The following SLC24A2 variants were observed in gnomAD, a reference collection of about 807,000 sequenced individuals.
SLC24A2 encodes sodium/potassium/calcium exchanger 2.
SLC24A2 carries 36 observed loss-of-function variants against 62.0 expected under a neutral mutation model. The ratio of observed to expected loss-of-function variants is 0.58; its 90% CI spans 0.44 to 0.77. SLC24A2 has a LOEUF of 0.77. SLC24A2 is among the 30% of genes least tolerant of loss of function. SLC24A2 has a pLI of 0.00. For missense variants in SLC24A2, 846 were observed against 817.9 expected, an observed-to-expected ratio of 1.03 and a Z score of -0.42; for synonymous variants, 358 against 294.0, an observed-to-expected ratio of 1.22 and a Z score of -2.23.
rs1186801224 is a variant in SLC24A2 at position 19,622,312 on chromosome 9, A to G, written c.931-13T>C. 1.2e-6 allele frequency: 2 copies of G among 1,612,038 alleles called. No individual in the cohort carries two copies. The highest frequency in any genetic ancestry group is 1.7e-6 in the Non-Finnish European group (2 of 1,178,422). On this transcript the variant is annotated splice_polypyrimidine_tract_variant and intron_variant, in intron 2 of 10. Transcript: ENST00000341998. ...TGGCTGCAGATGGCTGCATAAGAGA[A>G]AAAGGCAAAGACAAAAGACAAAGAA...
At chr9:19,740,232 A>G (rs973912535) in intron 2 of SLC24A2, among the ~76,000 whole-genome samples, 1 of 152,194 alleles carries the variant, frequency 6.6e-6, no homozygotes, top group African/African-American at 2.4e-5. Context: ...CATGGTATGT[A>G]CCCAACAGAA....
chr9:20,013,260 T>A, the SLC24A2 span, among the ~76,000 whole-genome samples: 7 of 151,960 alleles, frequency 4.6e-5, no homozygotes, highest in African/African-American at 1.7e-4. Flanking sequence ...CCCAGGCAAT[T>A]ATAGTCAACC....
intron 2 of SLC24A2, among the ~76,000 whole-genome samples, chr9:19,702,298 A>G (rs1820378532): frequency 6.6e-6 from 1 of 152,184 alleles, no homozygotes. Flanking sequence ...ATAATGAAGA[A>G]TAATGTCTTA....
the SLC24A2 span, among the ~76,000 whole-genome samples, chr9:20,117,606 C>T: frequency 6.6e-6 from 1 of 152,104 alleles, no homozygotes; most frequent in Non-Finnish European, 1.5e-5. Flanking sequence ...TAACAAAGTA[C>T]TTATTATGTT....
chr9:19,905,182 C>T, the SLC24A2 span, among the ~76,000 whole-genome samples: 2 of 152,078 alleles, frequency 1.3e-5, no homozygotes, highest in African/African-American at 2.4e-5. Context: ...CCTTCTGGCT[C>T]AGTTGGTTCA....
the SLC24A2 span, among the ~76,000 whole-genome samples, chr9:19,999,570 G>C: frequency 6.6e-6 from 1 of 152,156 alleles, no homozygotes; most frequent in Non-Finnish European, 1.5e-5. Flanking sequence ...TCATGGCAAT[G>C]AGCTACAAAA....
chr9:20,025,878 A>T, the SLC24A2 span, among the ~76,000 whole-genome samples: 5 of 152,216 alleles, frequency 3.3e-5, no homozygotes, highest in African/African-American at 1.2e-4. Flanking sequence ...GAAGAGAGGT[A>T]GAAGATGCAT....
chr9:19,852,615 A>G, the SLC24A2 span, among the ~76,000 whole-genome samples: 2 of 152,166 alleles, frequency 1.3e-5, no homozygotes, highest in Non-Finnish European at 2.9e-5. Flanking sequence ...GGTTTGTTGA[A>G]TATCAGATGA....
At chr9:19,669,665 T>C (rs190230477) in intron 2 of SLC24A2, among the ~76,000 whole-genome samples, 154 of 152,282 alleles carry the variant, frequency 1.0e-3, no homozygotes, top group Non-Finnish European at 2.0e-3. Context: ...GCCTGTGGCC[T>C]CTGTCCTCTA....
intron 8 of SLC24A2, among the ~76,000 whole-genome samples, chr9:19,546,787 T>A (rs1390001101): frequency 6.6e-6 from 1 of 151,238 alleles, no homozygotes; most frequent in Non-Finnish European, 1.5e-5. Flanking sequence ...TCTGCCCAAA[T>A]GGCTACTCAG....
the SLC24A2 span, among the ~76,000 whole-genome samples, chr9:19,906,001 C>T: frequency 1.1e-4 from 17 of 152,112 alleles, no homozygotes; most frequent in African/African-American, 3.6e-4. Context: ...CAGAACTCTC[C>T]ACCCCAAATC....
At chr9:19,755,342 TTC>T (rs1366744560) in intron 2 of SLC24A2, among the ~76,000 whole-genome samples, 2 of 152,158 alleles carry the variant, frequency 1.3e-5, no homozygotes, top group African/African-American at 4.8e-5. Flanking sequence ...CATTGATCAA[TTC>T]TCTGTGAGCA....
In SLC24A2 at chr9:19,755,229, T is replaced by C. The variant is rs539781284; in HGVS notation, c.930+30708A>G. ...ACATAAGATAATACATGTAGAATCC[T>C]TGCCAAGTACTTGGTCCCTAGTAGG... On this transcript the variant is annotated intron_variant, in intron 2 of 10. Transcript: ENST00000341998. Among the ~76,000 whole-genome samples the C allele has an allele frequency of 3.9e-5, 6 of 152,300 alleles. No individual in the cohort carries two copies. In the East Asian group the frequency reaches 1.2e-3, roughly 29 times the overall value.
intron 2 of SLC24A2, among the ~76,000 whole-genome samples, chr9:19,683,536 C>CT (rs74320355): frequency 0.19 from 27,254 of 142,924 alleles, 2,718 homozygotes; most frequent in Middle Eastern, 0.26. Flanking sequence ...GTGCTCTGAA[C>CT]TTTTTTTTTT....
the SLC24A2 span, among the ~76,000 whole-genome samples, chr9:19,992,341 T>C: frequency 1.1e-3 from 175 of 152,352 alleles, 1 homozygote; most frequent in South Asian, 2.9e-3. Flanking sequence ...TTTTCCACCA[T>C]GTCTGTTTGC....
At chr9:20,242,495 C>A in the SLC24A2 span, among the ~76,000 whole-genome samples, 4 of 152,200 alleles carry the variant, frequency 2.6e-5, no homozygotes, top group Non-Finnish European at 4.4e-5. Context: ...CAGCAACTGA[C>A]TGTAGTGGTC....
chr9:19,801,352 C>T, the SLC24A2 span, among the ~76,000 whole-genome samples: 335 of 152,274 alleles, frequency 2.2e-3, 1 homozygote, highest in African/African-American at 7.6e-3. Context: ...GGGTGCCTCG[C>T]TGGTTCAGGA....
At chr9:20,182,620 C>T in the SLC24A2 span, among the ~76,000 whole-genome samples, 40,321 of 152,120 alleles carry the variant, frequency 0.27, 6,679 homozygotes, top group Non-Finnish European at 0.38. Context: ...GAACATCACA[C>T]ACCAGGGCCT....
At chr9:19,550,699 T>C (rs1421859966) in intron 7 of SLC24A2, among the ~76,000 whole-genome samples, 1 of 66,182 alleles carries the variant, frequency 1.5e-5, no homozygotes, top group Non-Finnish European at 3.3e-5. Context: ...AAAATATTTC[T>C]TTTTCTCTTT....
Sources: allele counts gnomAD v4.1 joint callset (sites outside exome capture counted in the v4.1 genomes callset), GRCh38; gene constraint gnomAD v4.1.1; transcripts MANE v1.5; gene names NCBI Gene and HGNC (gene_info 2026-07-23, HGNC 2026-07-21).